Variants in JPH2 observed in about 807,000 individuals in gnomAD.
JPH2 encodes the protein junctophilin 2, also known as junctophilin-2.
JPH2 carries 38 observed loss-of-function variants against 55.9 expected under a neutral mutation model. The ratio of observed to expected loss-of-function variants is 0.68; its 90% confidence interval spans 0.52 to 0.89. JPH2 has a LOEUF of 0.89. Ranked by LOEUF, JPH2 falls within the 40% of genes least tolerant of loss-of-function variation. The pLI, the probability that JPH2 is intolerant of heterozygous loss-of-function variation, is 0.00. For synonymous variants in JPH2, 480 were observed against 472.4 expected (o/e 1.02, Z -0.21); for missense variants, 964 against 1,037.6 (o/e 0.93, Z 0.97).
At chr20:44,128,593 TATAAAA>T (rs2072293512) in intron 2 of JPH2, among the ~76,000 whole-genome samples, 1 of 152,050 alleles carries the variant, frequency 6.6e-6, no homozygotes. Flanking sequence ...TTGTATGCAC[TATAAAA>T]ATAAAATGGC....
intron 2 of JPH2, among the ~76,000 whole-genome samples, chr20:44,138,957 C>A (rs972101147): frequency 2.0e-5 from 3 of 152,118 alleles, no homozygotes; most frequent in Non-Finnish European, 1.5e-5. Context: ...CGCTGCCTTG[C>A]CCCAGCTGCC....
chr20:44,128,408 G>T (rs1039959525), intron 2 of JPH2, among the ~76,000 whole-genome samples: 1 of 152,184 alleles, frequency 6.6e-6, no homozygotes, highest in Admixed American at 6.5e-5. Context: ...AATAATGAAG[G>T]CAGACATGGC....
At chr20:44,177,641 AG>A (rs2072745791) in intron 1 of JPH2, 1 of 1,194,906 alleles carries the variant, frequency 8.4e-7, no homozygotes, top group Admixed American at 3.7e-5. Context: ...TTCCAAGATG[AG>A]GTTAAATTAT....
At chr20:44,115,627 G>C (rs765781976) in intron 4 of JPH2, 38 bp downstream of exon 4, 100 of 1,611,536 alleles carry the variant, frequency 6.2e-5, no homozygotes, top group Non-Finnish European at 8.2e-5. Flanking sequence ...TACCTCTAGG[G>C]AACCCGACCT....
intron 2 of JPH2, among the ~76,000 whole-genome samples, chr20:44,124,247 T>C (rs1201788641): frequency 2.0e-5 from 3 of 152,036 alleles, no homozygotes; most frequent in Admixed American, 2.0e-4. Flanking sequence ...AACTGCTTGG[T>C]TGTTTCCCAG....
chr20:44,116,785 G>A (rs892684118), intron 3 of JPH2, among the ~76,000 whole-genome samples: 1 of 152,350 alleles, frequency 6.6e-6, no homozygotes, highest in African/African-American at 2.4e-5. Flanking sequence ...ACGAATGGAA[G>A]GATTGAGAAA....
Position 44,177,977 on chromosome 20 carries a change from A to T in JPH2, c.379+8350T>A, listed in dbSNP as rs754053583. ...GAGGGCGATTTTAACACATCCCTAAAGGAAAAAAGGAAACAGAAGCTCAGG... is the reference window on the plus strand; with the variant it reads ...GAGGGCGATTTTAACACATCCCTAATGGAAAAAAGGAAACAGAAGCTCAGG... On this transcript the variant is annotated intron_variant, in intron 1 of 5. Transcript: ENST00000372980. The T allele has an allele frequency of 2.5e-5, 26 of 1,028,556 alleles. No individual in the cohort carries two copies. The Admixed American group carries it at 4.2e-4, about 17-fold the overall frequency. The allele number at this position is 1,028,556 out of a possible 1,614,324, so 63.7% of individuals were successfully genotyped here. A position where few individuals can be genotyped will look rare whatever the true frequency, so the allele number is the denominator to read the frequency against.
rs757101611 is a variant in JPH2, at chr20:44,114,826, C to T, written c.2061G>A (p.Leu687=). ...TCAGGAGGTGAACAAAGAGGATGGC[C>T]AGGCCGATGTTCAGCAGGATCACCA... ...ICMVILLNIG[L]AILFVHLLT The change falls in exon 5 of 6, where the codon CTG becomes CTA. Residue 687 remains leucine, a synonymous_variant. Coordinates refer to ENST00000372980, the MANE Select transcript of JPH2 (RefSeq NM_020433.5). The T allele has an allele frequency of 1.2e-6, 2 of 1,607,582 alleles. No individual in the cohort carries two copies. The highest frequency in any genetic ancestry group is 1.7e-6 in the Non-Finnish European group (2 of 1,177,670).
intron 1 of JPH2, chr20:44,176,950 G>A (rs1027548065): frequency 4.6e-5 from 45 of 985,350 alleles, no homozygotes; most frequent in Non-Finnish European, 5.2e-5. Flanking sequence ...CCCATCCACA[G>A]CAATGGGCAG....
intron 2 of JPH2, among the ~76,000 whole-genome samples, chr20:44,133,306 G>A (rs1485179520): frequency 6.6e-6 from 1 of 151,216 alleles, no homozygotes; most frequent in African/African-American, 2.4e-5. Context: ...TATTCTGAAT[G>A]TGCATAAATT....
intron 2 of JPH2, among the ~76,000 whole-genome samples, chr20:44,143,957 T>TC (rs1295948813): frequency 6.6e-6 from 1 of 151,736 alleles, no homozygotes; most frequent in Non-Finnish European, 1.5e-5. Context: ...GGTGCTTGAC[T>TC]CCCCAAAGAA....
At position 44,115,905 on chromosome 20, in the gene JPH2, G is replaced by T. The variant is rs755757325; in HGVS notation, c.1770C>A (p.Ser590=). Residue 590 remains serine (S), a synonymous_variant, in exon 4 of 6, where the codon TCC becomes TCA. Transcript: ENST00000372980. ...PFEDQPEPEV[S]GSESAPSSPA... ...GGGACGAGGGCGCGGACTCGGACCCGGAGACCTCGGGCTCGGGCTGGTCCT... is the reference window on the plus strand; with the variant it reads ...GGGACGAGGGCGCGGACTCGGACCCTGAGACCTCGGGCTCGGGCTGGTCCT... 1 of 1,573,738 alleles carries T rather than the reference G, an allele frequency of 6.4e-7. No homozygotes were observed. Among genetic ancestry groups the T allele is most frequent in the Non-Finnish European group, 8.6e-7 (1 of 1,166,326 alleles).
chr20:44,175,035 T>C (rs890492059), intron 1 of JPH2, among the ~76,000 whole-genome samples: 2 of 152,112 alleles, frequency 1.3e-5, no homozygotes, highest in Admixed American at 6.6e-5. Context: ...AAAAGTCATA[T>C]GCTCATTGCA....
rs187130550 is a variant in JPH2, at chr20:44,107,454, T to C, written c.*6064A>G. On this transcript the variant is annotated 3_prime_UTR_variant, in exon 6 of 6. Coordinates refer to ENST00000372980, the MANE Select transcript of JPH2 (RefSeq NM_020433.5). ...CAACTGAGCTCTGGCTAGTGGAATATGAGCAGAAGTGATGTGTGCTGTTTT... is the reference window on the plus strand; with the variant it reads ...CAACTGAGCTCTGGCTAGTGGAATACGAGCAGAAGTGATGTGTGCTGTTTT... 1.4e-4 allele frequency among the ~76,000 whole-genome samples: 22 copies of C among 152,348 alleles called. No homozygotes were observed. The highest frequency in any genetic ancestry group is 5.0e-4 in the African/African-American group (21 of 41,588).
At position 44,110,825 on chromosome 20, in the gene JPH2, C is replaced by T. The variant is rs892451421; in HGVS notation, c.*2693G>A. On this transcript the variant is annotated 3_prime_UTR_variant, in exon 6 of 6. Coordinates refer to ENST00000372980, the MANE Select transcript of JPH2 (RefSeq NM_020433.5). ...CATGGGGCAGGGATTAGAGTCTCCTCAGCAGAAGAGGAAACTGAGGCACAG... is the reference window on the plus strand; with the variant it reads ...CATGGGGCAGGGATTAGAGTCTCCTTAGCAGAAGAGGAAACTGAGGCACAG... Among the ~76,000 whole-genome samples the T allele has an allele frequency of 2.6e-5, 4 of 152,182 alleles. No homozygotes were observed. Among genetic ancestry groups the T allele is most frequent in the African/African-American group, 9.7e-5 (4 of 41,444 alleles).
At chr20:44,113,907 C>G (rs2072165938) in intron 5 of JPH2, among the ~76,000 whole-genome samples, 1 of 152,196 alleles carries the variant, frequency 6.6e-6, no homozygotes, top group African/African-American at 2.4e-5. Context: ...CAGCACTTAC[C>G]AGGCTGGTAT....
chr20:44,182,411 A>C (rs1004480709), intron 1 of JPH2, among the ~76,000 whole-genome samples: 1 of 152,166 alleles, frequency 6.6e-6, no homozygotes, highest in South Asian at 2.1e-4. Context: ...ATCTGGGAGA[A>C]GTCTGGGGCT....
chr20:44,178,317 T>G (rs1220856896), intron 1 of JPH2, among the ~76,000 whole-genome samples: 2 of 152,062 alleles, frequency 1.3e-5, no homozygotes, highest in African/African-American at 4.8e-5. Context: ...AGTGAACAAT[T>G]GAAAAAATAA....
intron 1 of JPH2, among the ~76,000 whole-genome samples, chr20:44,165,216 T>C (rs192558850): frequency 2.0e-3 from 301 of 152,240 alleles, no homozygotes; most frequent in Admixed American, 5.8e-3. Context: ...AAATGCATTT[T>C]ATCATATGGA....
Sources: gnomAD v4.1 joint callset for allele counts (sites outside exome capture counted in the v4.1 genomes callset) on GRCh38, gnomAD v4.1.1 for gene constraint, MANE v1.5 for transcripts, NCBI Gene and HGNC (gene_info 2026-07-23, HGNC 2026-07-21) for gene names.